ZNF827: variants seen among roughly 807,000 people sequenced by gnomAD.
ZNF827 encodes the protein zinc finger protein 827.
ZNF827 carries 13 observed loss-of-function variants against 102.4 expected under a neutral mutation model. That is an observed-to-expected ratio of 0.13 (90% CI 0.08 to 0.20). The LOEUF (loss-of-function observed/expected upper bound fraction) is 0.20, where lower values mean the gene tolerates loss of function less well. Among genes scored for constraint, ZNF827 ranks in the 10% least tolerant of loss-of-function variants. The probability of loss-of-function intolerance (pLI) is 1.00; values close to 1 mark genes in which losing one functional copy is unlikely to be tolerated. For synonymous variants in ZNF827, 523 were observed against 536.2 expected (o/e 0.98, Z 0.34); for missense variants, 1,103 against 1,344.4 (o/e 0.82, Z 2.81).
At chr4:145,856,985 GCACA>G (rs70956877) in intron 5 of ZNF827, among the ~76,000 whole-genome samples, 37,115 of 140,028 alleles carry the variant, frequency 0.27, 5,003 homozygotes, top group Non-Finnish European at 0.34. Flanking sequence ...GCACGCGCAC[GCACA>G]CACACACACA....
At chr4:145,770,256 G>A (rs751477584) in intron 11 of ZNF827, among the ~76,000 whole-genome samples, 3 of 151,792 alleles carry the variant, frequency 2.0e-5, no homozygotes, top group South Asian at 2.1e-4. Flanking sequence ...CCAAGATCAC[G>A]CCACTTCACT....
intron 8 of ZNF827, among the ~76,000 whole-genome samples, chr4:145,792,334 A>G (rs1010767746): frequency 2.0e-5 from 3 of 152,086 alleles, no homozygotes; most frequent in Non-Finnish European, 4.4e-5. Flanking sequence ...CTGAATTTGT[A>G]TATGAAAGTC....
chr4:145,845,994 G>T lies in ZNF827; in HGVS notation c.2241C>A (p.His747Gln). 1 of 1,614,180 alleles carries T rather than the reference G, an allele frequency of 6.2e-7. No homozygotes were observed. The highest frequency in any genetic ancestry group is 8.5e-7 in the Non-Finnish European group (1 of 1,180,032). Residue 747 changes from histidine (H) to glutamine (Q), a missense_variant, in exon 7 of 15, where the codon CAC becomes CAA. Physicochemically the swap from His to Gln is conservative, Grantham distance 24 (BLOSUM62 0). Coordinates refer to ENST00000508784, the MANE Select transcript of ZNF827 (RefSeq NM_001306215.2). Reference protein sequence around the residue: ...FQLSEKVSKEHNHTKENTIRT... With the variant: ...FQLSEKVSKEQNHTKENTIRT... ...GGATGGTGTTTTCTTTTGTATGATT[G>T]TGCTCTTTGCTCACTTTTTCTGTAA...
chr4:145,910,682 A>G (rs772481693), intron 1 of ZNF827, among the ~76,000 whole-genome samples: 19 of 152,222 alleles, frequency 1.2e-4, no homozygotes, highest in Non-Finnish European at 2.8e-4. Flanking sequence ...TCAAACTTCC[A>G]CAATGGTTTC....
intron 11 of ZNF827, among the ~76,000 whole-genome samples, chr4:145,772,640 C>A (rs75377437): frequency 6.6e-6 from 1 of 152,292 alleles, no homozygotes; most frequent in East Asian, 1.9e-4. Flanking sequence ...GACCTGAAAG[C>A]CTAAAATATT....
chr4:145,850,010 AT>A (rs541497382), intron 5 of ZNF827, among the ~76,000 whole-genome samples: 200 of 141,974 alleles, frequency 1.4e-3, no homozygotes, highest in Middle Eastern at 7.2e-3. Flanking sequence ...TTCTCCCTCT[AT>A]TTTTTTTTTT....
At chr4:145,929,752 A>G (rs1040693291) in intron 1 of ZNF827, among the ~76,000 whole-genome samples, 1 of 152,192 alleles carries the variant, frequency 6.6e-6, no homozygotes, top group Non-Finnish European at 1.5e-5. Context: ...ATACTTAATA[A>G]TAAGTAATAT....
At chr4:145,766,530 G>A (rs1247048720) in intron 11 of ZNF827, among the ~76,000 whole-genome samples, 2 of 152,204 alleles carry the variant, frequency 1.3e-5, no homozygotes, top group Non-Finnish European at 2.9e-5. Context: ...GAACCAGGTG[G>A]AACCTGACAG....
chr4:145,760,102 C>G lies in ZNF827; in HGVS notation c.*1514G>C, dbSNP rs1204558729. On this transcript the variant is annotated 3_prime_UTR_variant, in exon 15 of 15. Transcript: ENST00000508784. ...ATCTGAGCGCAAGGTCTCCAGCGCT[C>G]TGGCGGAAATCTCCAGCAGCACTGT... 2 of 152,232 alleles carry G rather than the reference C, an allele frequency of 1.3e-5. No homozygotes were observed. Among genetic ancestry groups the G allele is most frequent in the Non-Finnish European group, 2.9e-5 (2 of 68,052 alleles). The allele number at this position is 152,232 out of a possible 1,614,324, so 9.4% of individuals were successfully genotyped here. A position where few individuals can be genotyped will look rare whatever the true frequency, so the allele number is the denominator to read the frequency against.
At chr4:145,910,681 C>T (rs907954779) in intron 1 of ZNF827, among the ~76,000 whole-genome samples, 1 of 152,184 alleles carries the variant, frequency 6.6e-6, no homozygotes, top group Non-Finnish European at 1.5e-5. Flanking sequence ...CTCAAACTTC[C>T]ACAATGGTTT....
intron 4 of ZNF827, among the ~76,000 whole-genome samples, chr4:145,878,697 G>GAGGAAGGGAGAGAGAGGAAGGA: frequency 6.6e-6 from 1 of 150,622 alleles, no homozygotes; most frequent in African/African-American, 2.4e-5. Flanking sequence ...GAGAGGAAGG[G>GAGGAAGGGAGAGAGAGGAAGGA]AGGAAGGGAG....
At chr4:145,860,943 A>G (rs1747664319) in intron 5 of ZNF827, among the ~76,000 whole-genome samples, 1 of 152,244 alleles carries the variant, frequency 6.6e-6, no homozygotes, top group African/African-American at 2.4e-5. Flanking sequence ...GAAAGGGTCC[A>G]TCACTCTCAG....
In ZNF827 at chr4:145,870,460, G is replaced by T; in HGVS notation, c.1766C>A (p.Pro589His). 6.2e-7 allele frequency: 1 copy of T among 1,613,876 alleles called. No individual in the cohort carries two copies. Among genetic ancestry groups the T allele is most frequent in the Non-Finnish European group, 8.5e-7 (1 of 1,179,984 alleles). Residue 589 changes from proline to histidine, a missense_variant, in exon 5 of 15, where the codon CCC becomes CAC. Pro to His is a moderately conservative substitution (Grantham distance 77). Coordinates refer to ENST00000508784, the MANE Select transcript of ZNF827 (RefSeq NM_001306215.2). ...MKLSAANQKEPMNLNFKVKEE... is the reference protein window; with the variant it reads ...MKLSAANQKEHMNLNFKVKEE... ...TTTCACTTTAAAATTAAGATTCATG[G>T]GCTCCTTCTGATTTGCAGCTGTCAA... is the stretch of plus-strand genomic sequence containing the variant.
chr4:145,845,577 A>G (rs1165416111), intron 7 of ZNF827, among the ~76,000 whole-genome samples: 1 of 152,192 alleles, frequency 6.6e-6, no homozygotes, highest in African/African-American at 2.4e-5. Flanking sequence ...AGACAGAAAG[A>G]GGCCTTCGTG....
intron 8 of ZNF827, among the ~76,000 whole-genome samples, chr4:145,820,602 A>G (rs1743049377): frequency 1.3e-5 from 2 of 152,232 alleles, no homozygotes; most frequent in South Asian, 2.1e-4. Context: ...AGCCACTATC[A>G]TTTCCTAATT....
intron 1 of ZNF827, among the ~76,000 whole-genome samples, chr4:145,920,924 A>G (rs1021993454): frequency 8.5e-5 from 13 of 152,236 alleles, no homozygotes; most frequent in African/African-American, 2.9e-4. Context: ...ACAAAAATGA[A>G]TAAGAAAGTC....
At chr4:145,898,124 T>C (rs1384231993) in intron 2 of ZNF827, among the ~76,000 whole-genome samples, 2 of 152,192 alleles carry the variant, frequency 1.3e-5, no homozygotes, top group Non-Finnish European at 1.5e-5. Flanking sequence ...CACCGCACTC[T>C]AGCCTGGGCT....
At chr4:145,764,126 T>TA (rs1734927066) in intron 13 of ZNF827, among the ~76,000 whole-genome samples, 1 of 152,260 alleles carries the variant, frequency 6.6e-6, no homozygotes, top group African/African-American at 2.4e-5. Context: ...AAGTAAAATG[T>TA]AATTTTTCAT....
At chr4:145,787,106 C>T (rs1738965015) in intron 8 of ZNF827, among the ~76,000 whole-genome samples, 1 of 152,208 alleles carries the variant, frequency 6.6e-6, no homozygotes. Flanking sequence ...CCATTACACT[C>T]ACCCAAAGAT....
Sources: allele counts gnomAD v4.1 joint callset (sites outside exome capture counted in the v4.1 genomes callset), GRCh38; gene constraint gnomAD v4.1.1; transcripts MANE v1.5; gene names NCBI Gene and HGNC (gene_info 2026-07-23, HGNC 2026-07-21).